Variants in PCSK5 observed in about 807,000 individuals in gnomAD.
PCSK5 encodes the protein prohormone convertase 5.
In PCSK5, 129 loss-of-function variants were observed where a neutral mutation model predicts 233.2. That is an observed-to-expected ratio of 0.55 (90% CI 0.48 to 0.64). PCSK5 has a LOEUF of 0.64. Among genes scored for constraint, PCSK5 ranks in the 30% least tolerant of loss-of-function variants. The probability of loss-of-function intolerance (pLI) is 0.00; values close to 1 mark genes in which losing one functional copy is unlikely to be tolerated. For synonymous variants in PCSK5, 825 were observed against 879.2 expected, an observed-to-expected ratio of 0.94 and a Z score of 1.09; for missense variants, 2,076 against 2,430.1, an observed-to-expected ratio of 0.85 and a Z score of 3.06.
rs932857167 is a variant in PCSK5 at position 76,351,004 on chromosome 9, T to C, written c.5067+76T>C. The C allele has an allele frequency of 4.0e-6, 3 of 752,782 alleles. No individual in the cohort carries two copies. In the African/African-American group the frequency reaches 5.3e-5, roughly 13 times the overall value. 46.6% of individuals were successfully genotyped at this position (752,782 alleles called of 1,614,324 possible). A position where few individuals can be genotyped will look rare whatever the true frequency, so the allele number is the denominator to read the frequency against. ...TGAGCTTACTTCCTGCATGTCATTCTGGGCAATCAAAATGTCCCAAAATTC... is the reference window on the plus strand; with the variant it reads ...TGAGCTTACTTCCTGCATGTCATTCCGGGCAATCAAAATGTCCCAAAATTC... On this transcript the variant is annotated intron_variant, in intron 36 of 37. Transcript: ENST00000674117.
intron 32 of PCSK5, among the ~76,000 whole-genome samples, chr9:76,324,675 A>C (rs939421419): frequency 6.6e-6 from 1 of 152,152 alleles, no homozygotes; most frequent in Non-Finnish European, 1.5e-5. Flanking sequence ...CTTATGTTTT[A>C]ACTCGGCATG....
intron 3 of PCSK5, 89 bp from the exon 4 acceptor site, chr9:76,023,649 A>G (rs77925784): frequency 1.1e-6 from 1 of 919,730 alleles, no homozygotes; most frequent in Non-Finnish European, 1.5e-6. Flanking sequence ...GGCAGCAGAG[A>G]AAAAAAAAAA....
rs570446574 is a variant in PCSK5, at chr9:76,270,644, C to T, written c.3143-21589C>T. On this transcript the variant is annotated intron_variant, in intron 24 of 37. Transcript: ENST00000674117. ...TTTGGGTAAACTGTTGGCACAAGGT[C>T]CCAGCTGAAGTGTCCCAAGGCCTGC... 9.9e-4 allele frequency among the ~76,000 whole-genome samples: 151 copies of T among 152,274 alleles called. 2 individuals are homozygous for T. Among genetic ancestry groups the T allele is most frequent in the Admixed American group, 8.7e-3 (133 of 15,290 alleles).
chr9:76,047,642 A>C (rs1829469706), intron 5 of PCSK5, among the ~76,000 whole-genome samples: 1 of 152,086 alleles, frequency 6.6e-6, no homozygotes, highest in African/African-American at 2.4e-5. Context: ...TTATTCTCTT[A>C]TTTAATCTAC....
chr9:76,260,722 C>G (rs1827144976), intron 24 of PCSK5, among the ~76,000 whole-genome samples: 1 of 152,164 alleles, frequency 6.6e-6, no homozygotes, highest in Admixed American at 6.6e-5. Context: ...TGCTTTTAGC[C>G]CATTGAGATC....
At chr9:76,005,526 T>A (rs1827439759) in intron 3 of PCSK5, among the ~76,000 whole-genome samples, 1 of 152,214 alleles carries the variant, frequency 6.6e-6, no homozygotes, top group South Asian at 2.1e-4. Flanking sequence ...GAGATCTTTA[T>A]TCTTTTTTGC....
chr9:76,091,767 C>G (rs529929521), intron 7 of PCSK5, among the ~76,000 whole-genome samples: 5 of 152,202 alleles, frequency 3.3e-5, no homozygotes, highest in Non-Finnish European at 7.4e-5. Context: ...CGATTAGCCC[C>G]TCTGTCACCA....
At chr9:75,972,488 A>C (rs1481071610) in intron 2 of PCSK5, among the ~76,000 whole-genome samples, 1 of 152,104 alleles carries the variant, frequency 6.6e-6, no homozygotes, top group African/African-American at 2.4e-5. Context: ...CATTTTCACG[A>C]TGTTGATTCT....
intron 29 of PCSK5, among the ~76,000 whole-genome samples, chr9:76,309,832 C>G (rs1320114621): frequency 1.3e-5 from 2 of 152,170 alleles, no homozygotes; most frequent in East Asian, 3.8e-4. Context: ...AAAGGTTACA[C>G]TCAAAAAGCT....
intron 20 of PCSK5, among the ~76,000 whole-genome samples, chr9:76,221,738 G>T (rs1217670122): frequency 6.6e-6 from 1 of 152,206 alleles, no homozygotes; most frequent in African/African-American, 2.4e-5. Context: ...ACAACGTGTA[G>T]GCTGAAGGAA....
chr9:76,132,046 C>A (rs1230781855), intron 9 of PCSK5, among the ~76,000 whole-genome samples: 2 of 151,990 alleles, frequency 1.3e-5, no homozygotes, highest in African/African-American at 4.8e-5. Flanking sequence ...CTGGACCAAG[C>A]TTTCTTGTTA....
In PCSK5 at chr9:76,310,775, C is replaced by A; in HGVS notation, c.3808C>A (p.Leu1270Ile). ...EACAICSGAD[L>I]CKKCQMQPGH... ...CTGTGCCATCTGCTCTGGAGCCGATCTTTGCAAAAAATGCCAGATGCAGCC... is the reference window on the plus strand; with the variant it reads ...CTGTGCCATCTGCTCTGGAGCCGATATTTGCAAAAAATGCCAGATGCAGCC... The change falls in exon 30 of 38, where the codon CTT (leucine) becomes ATT (isoleucine). Residue 1270 changes from leucine to isoleucine, a missense_variant. Leu to Ile is a conservative substitution (Grantham distance 5). This residue lies in a region of PCSK5 where 1,510 missense variants were observed against 1,538.1 expected (regional missense o/e 0.98). Coordinates refer to ENST00000674117, the MANE Select transcript of PCSK5 (RefSeq NM_001372043.1). 6.2e-7 allele frequency: 1 copy of A among 1,612,190 alleles called. No homozygotes were observed. The highest frequency in any genetic ancestry group is 1.1e-5 in the South Asian group (1 of 90,894).
At chr9:76,288,733 G>T (rs1028007305) in intron 24 of PCSK5, among the ~76,000 whole-genome samples, 8 of 152,152 alleles carry the variant, frequency 5.3e-5, no homozygotes, top group Non-Finnish European at 8.8e-5. Context: ...TCTGCATGGG[G>T]TTGCCATGGT....
chr9:76,008,132 A>G (rs1283460973), intron 3 of PCSK5, among the ~76,000 whole-genome samples: 1 of 151,966 alleles, frequency 6.6e-6, no homozygotes, highest in African/African-American at 2.4e-5. Context: ...GTGTCTCACC[A>G]TTACTGGGCT....
intron 22 of PCSK5, among the ~76,000 whole-genome samples, chr9:76,234,100 T>C (rs182696915): frequency 4.1e-4 from 63 of 152,318 alleles, no homozygotes; most frequent in Non-Finnish European, 6.3e-4. Context: ...TTCTATTTCA[T>C]GCTCTCAAGG....
intron 2 of PCSK5, among the ~76,000 whole-genome samples, chr9:75,962,244 G>A (rs1198821395): frequency 6.6e-6 from 1 of 152,272 alleles, no homozygotes; most frequent in South Asian, 2.1e-4. Flanking sequence ...GGCCTTTGAT[G>A]TGGGCTCTGA....
intron 5 of PCSK5, among the ~76,000 whole-genome samples, chr9:76,055,337 A>T (rs1322134840): frequency 6.6e-6 from 1 of 152,130 alleles, no homozygotes; most frequent in Admixed American, 6.5e-5. Context: ...GTACTTCAGA[A>T]GTTATTATCA....
intron 20 of PCSK5, chr9:76,195,698 T>C (rs1275996944): frequency 2.0e-5 from 3 of 152,232 alleles, no homozygotes; most frequent in Non-Finnish European, 4.4e-5. Flanking sequence ...CTGTTTTCTT[T>C]TGTCTTTTTA....
chr9:76,180,961 A>T (rs1295827862), intron 15 of PCSK5, among the ~76,000 whole-genome samples: 1 of 152,070 alleles, frequency 6.6e-6, no homozygotes, highest in Non-Finnish European at 1.5e-5. Flanking sequence ...TAATTTAGAC[A>T]ACAGCATACA....
Sources: allele counts gnomAD v4.1 joint callset (sites outside exome capture counted in the v4.1 genomes callset), GRCh38; gene constraint gnomAD v4.1.1; regional missense constraint gnomAD v4.1.1; transcripts MANE v1.5; gene names NCBI Gene and HGNC (gene_info 2026-07-23, HGNC 2026-07-21).